The following NUP160 variants were observed in gnomAD, a reference collection of about 807,000 sequenced individuals.
The protein encoded by NUP160 is nuclear pore complex protein Nup160.
Under a neutral mutation model 196.9 loss-of-function variants are expected in NUP160, and 94 were observed. That is an observed-to-expected ratio of 0.48 (90% CI 0.40 to 0.57). The LOEUF (loss-of-function observed/expected upper bound fraction) is 0.57, where lower values mean the gene tolerates loss of function less well. Ranked by LOEUF, NUP160 falls within the 20% of genes least tolerant of loss-of-function variation. NUP160 has a pLI of 0.00. For synonymous variants in NUP160, 605 were observed against 619.7 expected (o/e 0.98, Z 0.35); for missense variants, 1,638 against 1,748.3 (o/e 0.94, Z 1.13).
At chr11:47,846,422 A>T (rs184084414) in intron 2 of NUP160, among the ~76,000 whole-genome samples, 1 of 152,180 alleles carries the variant, frequency 6.6e-6, no homozygotes, top group African/African-American at 2.4e-5. Context: ...AGAATTATTC[A>T]TATCTATCCA....
At chr11:47,784,414 A>T (rs1030921429) in intron 33 of NUP160, among the ~76,000 whole-genome samples, 3 of 152,228 alleles carry the variant, frequency 2.0e-5, no homozygotes, top group South Asian at 4.1e-4. Flanking sequence ...CCATAGTGTT[A>T]TATTATTTGA....
chr11:47,846,671 A>T (rs1458389028), intron 2 of NUP160, among the ~76,000 whole-genome samples: 1 of 152,218 alleles, frequency 6.6e-6, no homozygotes, highest in Non-Finnish European at 1.5e-5. Context: ...TTGGGCCATG[A>T]TAAAAGCAAA....
rs1160232432 is a variant in NUP160, at chr11:47,822,281, A to G, written c.1102-117T>C. The G allele has an allele frequency of 5.1e-6, 3 of 588,208 alleles. No individual in the cohort carries two copies. In the East Asian group the frequency reaches 9.8e-5, roughly 19 times the overall value. 36.4% of individuals were successfully genotyped at this position (588,208 alleles called of 1,614,324 possible). ...AAAAAATTTTTTTTTTTTTGAAAGA[A>G]GAGTCTTGCTCTGTTGCCCAGGCTG... On this transcript the variant is annotated intron_variant, in intron 7 of 35. Coordinates refer to ENST00000378460, the Ensembl canonical transcript of NUP160.
At position 47,807,060 on chromosome 11, in the gene NUP160, C is replaced by T. The variant is rs894563368; in HGVS notation, c.2446+10G>A. The T allele has an allele frequency of 3.2e-6, 5 of 1,579,094 alleles. No homozygotes were observed. The highest frequency in any genetic ancestry group is 1.3e-5 in the African/African-American group (1 of 74,266). On this transcript the variant is annotated intron_variant, in intron 19 of 35. Coordinates refer to ENST00000378460, the Ensembl canonical transcript of NUP160. Reference sequence around the variant, plus strand: ...TTTAAAATGAAATGTGTACATAGTCCACTCCTTACCAAACCTATTTGCCAT... The same window carrying T: ...TTTAAAATGAAATGTGTACATAGTCTACTCCTTACCAAACCTATTTGCCAT...
At chr11:47,820,581 C>T (rs906350428) in intron 9 of NUP160, among the ~76,000 whole-genome samples, 5 of 151,942 alleles carry the variant, frequency 3.3e-5, no homozygotes, top group African/African-American at 1.2e-4. Context: ...GAGATGGAGT[C>T]TCACTTTGTC....
rs146186362 is a variant in NUP160, at chr11:47,792,861, A to G, written c.3375T>C (p.Tyr1125=). Residue 1125 remains tyrosine (Y), a synonymous_variant, in exon 28 of 36, where the codon TAT becomes TAC. Coordinates refer to ENST00000378460, the Ensembl canonical transcript of NUP160. The stretch of plus-strand genomic sequence containing the variant: ...GTCGTAAACAATTGAGAGCAGCCAG[A>G]TAACAGTTGCCTTGTTTCTCAAGTC... The G allele has an allele frequency of 2.7e-5, 44 of 1,614,116 alleles. No individual in the cohort carries two copies. In the African/African-American group the frequency reaches 4.1e-4, roughly 15 times the overall value.
At chr11:47,805,963 G>A (rs1261726288) in intron 20 of NUP160, among the ~76,000 whole-genome samples, 190 bp downstream of exon 20, 6 of 151,958 alleles carry the variant, frequency 3.9e-5, no homozygotes, top group Admixed American at 2.0e-4. Flanking sequence ...ACAGGTGCAG[G>A]CCACCACGCC....
intron 9 of NUP160, 121 bp downstream of exon 9, chr11:47,821,603 G>T (rs1383943868): frequency 1.5e-6 from 1 of 687,302 alleles, no homozygotes; most frequent in Non-Finnish European, 2.5e-6. Context: ...TAAGTGATTT[G>T]CCTGCCTCGG....
At chr11:47,829,907 G>A (rs779550797) in intron 7 of NUP160, among the ~76,000 whole-genome samples, 6 of 152,126 alleles carry the variant, frequency 3.9e-5, no homozygotes, top group Non-Finnish European at 8.8e-5. Context: ...CACAGTAAAA[G>A]AAACTTTCAG....
chr11:47,841,255 G>A (rs966105745), intron 2 of NUP160: 18 of 257,040 alleles, frequency 7.0e-5, no homozygotes, highest in South Asian at 1.5e-4. Flanking sequence ...TCCCAGCTGA[G>A]GAGCAAGGAG....
At chr11:47,840,978 T>C (rs1023013432) in intron 2 of NUP160, among the ~76,000 whole-genome samples, 7 of 152,060 alleles carry the variant, frequency 4.6e-5, no homozygotes, top group Admixed American at 6.6e-5. Flanking sequence ...CCTGTTTCTA[T>C]TACTTCTTAA....
intron 33 of NUP160, among the ~76,000 whole-genome samples, chr11:47,783,776 G>T (rs575303598): frequency 3.3e-5 from 5 of 151,714 alleles, no homozygotes; most frequent in Non-Finnish European, 7.4e-5. Context: ...CCCAGGCTTG[G>T]GGGCAGTGGT....
At chr11:47,837,384 C>T (rs1379990489) in intron 5 of NUP160, among the ~76,000 whole-genome samples, 161 bp downstream of exon 5, 5 of 152,170 alleles carry the variant, frequency 3.3e-5, no homozygotes, top group Admixed American at 2.0e-4. Flanking sequence ...GAAAGGGACT[C>T]GGGAGTGTGG....
intron 22 of NUP160, among the ~76,000 whole-genome samples, chr11:47,803,097 C>T (rs1390547537): frequency 6.6e-6 from 1 of 150,422 alleles, no homozygotes; most frequent in Non-Finnish European, 1.5e-5. Flanking sequence ...GTGGGAGGAT[C>T]GCTTGAGTCC....
intron 32 of NUP160, among the ~76,000 whole-genome samples, chr11:47,785,478 A>G (rs1216856109): frequency 6.6e-6 from 1 of 152,230 alleles, no homozygotes; most frequent in Non-Finnish European, 1.5e-5. Context: ...TAATATAGCT[A>G]AATGGGAACA....
chr11:47,834,281 TCAACAGGATGTTACATGAATAA>T (rs1340989564), intron 7 of NUP160, among the ~76,000 whole-genome samples: 1 of 152,076 alleles, frequency 6.6e-6, no homozygotes, highest in African/African-American at 2.4e-5. Context: ...AGGAGACTGA[TCAACAGGATGTTACATGAATAA>T]CAATGGAAGG....
In NUP160 at chr11:47,787,479, G is replaced by A. The variant is rs1422329725; in HGVS notation, c.3746+703C>T. On this transcript the variant is annotated intron_variant, in intron 31 of 35. Transcript: ENST00000378460. ...GAGTCTTGCTTTGTTGCCCAGGCTC[G>A]AGTGCAGAGGCGCGATCTCAGCTCA... Among the ~76,000 whole-genome samples, 14 of 145,250 alleles carry A rather than the reference G, an allele frequency of 9.6e-5. No individual in the cohort carries two copies. The East Asian group carries it at 2.0e-3, about 21-fold the overall frequency.
At position 47,806,331 on chromosome 11, in the gene NUP160, TGA is replaced by T; in HGVS notation, c.2447-21_2447-20del. On this transcript the variant is annotated intron_variant, in intron 19 of 35. Coordinates refer to ENST00000378460, the Ensembl canonical transcript of NUP160. ...CTAGATACTTAAAAAGAAAAAGTTA[TGA>T]CAGTTTTGTGTAGTGGTAATTATCA... 1 of 1,593,248 alleles carries T rather than the reference TGA, an allele frequency of 6.3e-7. No individual in the cohort carries two copies. The highest frequency in any genetic ancestry group is 8.6e-7 in the Non-Finnish European group (1 of 1,163,870).
chr11:47,810,548 C>CTT (rs747018018), intron 17 of NUP160, among the ~76,000 whole-genome samples: 9 of 139,456 alleles, frequency 6.5e-5, no homozygotes, highest in East Asian at 2.1e-4. Context: ...TTTATAATTT[C>CTT]TTTTTTTTTT....
Sources: allele counts gnomAD v4.1 joint callset (sites outside exome capture counted in the v4.1 genomes callset), GRCh38; gene constraint gnomAD v4.1.1; transcripts MANE v1.5; gene names NCBI Gene and HGNC (gene_info 2026-07-23, HGNC 2026-07-21).